LMAN1L: variants seen among roughly 807,000 people sequenced by gnomAD.
LMAN1L encodes the protein protein ERGIC-53-like.
In LMAN1L, 60 loss-of-function variants were observed where a neutral mutation model predicts 58.3. The ratio of observed to expected loss-of-function variants is 1.03; its 90% confidence interval spans 0.84 to 1.27. The LOEUF is 1.27. Among genes scored for constraint, LMAN1L ranks in the 50% most tolerant of loss-of-function variants. The pLI is 0.00. For missense variants in LMAN1L, 629 were observed against 674.0 expected (o/e 0.93, Z 0.74); for synonymous variants, 280 against 271.6 (o/e 1.03, Z -0.31).
Position 74,812,949 on chromosome 15 carries a change from G to A in LMAN1L, c.95G>A (p.Arg32Lys), listed in dbSNP as rs760313633. The change falls in exon 1 of 14, where the codon AGG becomes AAG. Residue 32 changes from arginine to lysine, a missense_variant. This residue lies in a region of LMAN1L where 573 missense variants were observed against 597.3 expected (regional missense o/e 0.96). Coordinates refer to ENST00000309664, the MANE Select transcript of LMAN1L (RefSeq NM_021819.3). The part of the protein sequence containing the change: ...SPETGCPPLR[R>K]FEYKLSFKGP... The stretch of plus-strand genomic sequence containing the variant: ...GAGACGGGGTGTCCTCCTCTACGCA[G>A]GTTTGAGTACAAGCTCAGCTTCAAA... 3 of 1,614,098 alleles carry A rather than the reference G, an allele frequency of 1.9e-6. No homozygotes were observed. Among genetic ancestry groups the A allele is most frequent in the South Asian group, 2.2e-5 (2 of 91,084 alleles).
Position 74,816,183 on chromosome 15 carries a change from C to G in LMAN1L, c.202C>G (p.Arg68Gly). The G allele has an allele frequency of 6.4e-7, 1 of 1,553,576 alleles. No homozygotes were observed. Among genetic ancestry groups the G allele is most frequent in the Non-Finnish European group, 8.7e-7 (1 of 1,149,204 alleles). Reference sequence around the variant, plus strand: ...CGCCATCCTGGGCCTGGAGGAAGTGCGGCTGACGCCATCCATGAGGAACCG... The same window carrying G: ...CGCCATCCTGGGCCTGGAGGAAGTGGGGCTGACGCCATCCATGAGGAACCG... ...GDAILGLEEV[R>G]LTPSMRNRSG... Residue 68 changes from arginine (R) to glycine (G), a missense_variant, in exon 2 of 14, where the codon CGG becomes GGG. Arg to Gly is a moderately radical substitution (Grantham distance 125). Transcript: ENST00000309664.
In LMAN1L at chr15:74,816,274, G is replaced by C; in HGVS notation, c.293G>C (p.Arg98Thr). 1.2e-6 allele frequency: 2 copies of C among 1,611,868 alleles called. No individual in the cohort carries two copies. Among genetic ancestry groups the C allele is most frequent in the Non-Finnish European group, 1.7e-6 (2 of 1,179,332 alleles). The change falls in exon 2 of 14, where the codon AGG (arginine) becomes ACG (threonine). Residue 98 changes from arginine to threonine, a missense_variant. This residue lies in a region of LMAN1L where 573 missense variants were observed against 597.3 expected (regional missense o/e 0.96). Transcript: ENST00000309664. ...GCCTGGGAAGTAGAGGTGCAGATGAGGGTGACGGGACTGGGGCGCCGGGGA... is the reference window on the plus strand; with the variant it reads ...GCCTGGGAAGTAGAGGTGCAGATGACGGTGACGGGACTGGGGCGCCGGGGA... ...FSAWEVEVQM[R>T]VTGLGRRGAQ...
At position 74,812,877 on chromosome 15, in the gene LMAN1L, G is replaced by A. The variant is rs753665063; in HGVS notation, c.23G>A (p.Gly8Asp). 1.1e-5 allele frequency: 17 copies of A among 1,610,108 alleles called. No homozygotes were observed. In the South Asian group the frequency reaches 1.8e-4, roughly 17 times the overall value. MPAVSGP[G>D]PLFCLLLLLL... is the part of the protein sequence containing the mutation. ...ACGATGCCGGCGGTCAGTGGTCCAG[G>A]TCCCTTATTCTGCCTTCTCCTCCTG... The change falls in exon 1 of 14, where the codon GGT (glycine) becomes GAT (aspartate). Residue 8 changes from glycine (G) to aspartate (D), a missense_variant. This residue lies in a region of LMAN1L where 573 missense variants were observed against 597.3 expected (regional missense o/e 0.96). Transcript: ENST00000309664.
intron 11 of LMAN1L, among the ~76,000 whole-genome samples, chr15:74,823,325 C>CG (rs1377151341): frequency 6.6e-6 from 1 of 152,024 alleles, no homozygotes; most frequent in Non-Finnish European, 1.5e-5. Flanking sequence ...AAGGCAGAGC[C>CG]GGGGAGCCTG....
chr15:74,821,367 G>C (rs1596379862), intron 9 of LMAN1L, 141 bp downstream of exon 9: 11 of 1,050,570 alleles, frequency 1.0e-5, no homozygotes, highest in Non-Finnish European at 1.4e-5. Flanking sequence ...GGATGGGGCA[G>C]GGCAGCATGC....
chr15:74,819,842 TG>T (rs1051855476), intron 6 of LMAN1L: 1 of 626,216 alleles, frequency 1.6e-6, no homozygotes, highest in Non-Finnish European at 2.9e-6. Flanking sequence ...TCTGACTGAG[TG>T]TGAGGTTCAA....
At chr15:74,820,894 T>C in intron 8 of LMAN1L, 127 bp downstream of exon 8, 1 of 1,379,984 alleles carries the variant, frequency 7.2e-7, no homozygotes, top group East Asian at 2.4e-5. Flanking sequence ...AAGCAGGCCC[T>C]GGGCCCAAGT....
At chr15:74,813,472 C>T in intron 1 of LMAN1L, 1 of 457,578 alleles carries the variant, frequency 2.2e-6, no homozygotes, top group Non-Finnish European at 4.4e-6. Flanking sequence ...GAAGCATCCT[C>T]ATCCCAGGTG....
At position 74,819,133 on chromosome 15, in the gene LMAN1L, C is replaced by T; in HGVS notation, c.598-19C>T. 4 of 1,592,102 alleles carry T rather than the reference C, an allele frequency of 2.5e-6. No homozygotes were observed. The highest frequency in any genetic ancestry group is 2.7e-5 in the African/African-American group (2 of 74,374). On this transcript the variant is annotated intron_variant, in intron 5 of 13. Transcript: ENST00000309664. ...GGTAGGGACACCCCCCCACTGCTCACTCTCTCCATGTCCCTCAGATGTCCT... is the reference window on the plus strand; with the variant it reads ...GGTAGGGACACCCCCCCACTGCTCATTCTCTCCATGTCCCTCAGATGTCCT...
rs202021967 is a variant in LMAN1L, at chr15:74,819,233, G to T, written c.679G>T (p.Gly227Cys). 3 of 1,614,202 alleles carry T rather than the reference G, an allele frequency of 1.9e-6. No individual in the cohort carries two copies. The highest frequency in any genetic ancestry group is 2.2e-5 in the East Asian group (1 of 44,890). ...GGGGCCCCTGCTTTTGGTCCCTGGA[G>T]GTTTCTTTGGGGTCTCAGCAGCCAC... ...DVGPLLLVPG[G>C]FFGVSAATGT... Residue 227 changes from glycine to cysteine, a missense_variant, in exon 6 of 14, where the codon GGT becomes TGT. By Grantham distance (159) the Gly-to-Cys change is radical. Transcript: ENST00000309664.
chr15:74,820,891 C>A (rs2063913529), intron 8 of LMAN1L, 124 bp downstream of exon 8: 1 of 1,398,484 alleles, frequency 7.2e-7, no homozygotes, highest in Non-Finnish European at 9.6e-7. Context: ...TCTAAGCAGG[C>A]CCTGGGCCCA....
intron 4 of LMAN1L, among the ~76,000 whole-genome samples, chr15:74,818,036 G>C (rs1008999791): frequency 2.7e-5 from 4 of 150,768 alleles, no homozygotes; most frequent in Non-Finnish European, 5.9e-5. Context: ...AAAAGAGAGA[G>C]AGAAGAAGGA....
At chr15:74,816,119 G>A (rs1325068666) in intron 1 of LMAN1L, 38 bp from the exon 2 acceptor site, 1 of 1,534,296 alleles carries the variant, frequency 6.5e-7, no homozygotes, top group Non-Finnish European at 8.8e-7. Context: ...GAGATGGGGT[G>A]TAGTGGAGCC....
chr15:74,812,926 G>A lies in LMAN1L; in HGVS notation c.72G>A (p.Glu24=), dbSNP rs1428591720. ...TGCTCCTGGACCCCCACAGCCCTGA[G>A]ACGGGGTGTCCTCCTCTACGCAGGT... ...LLLLLDPHSP[E]TGCPPLRRFE... The change falls in exon 1 of 14, where the codon GAG becomes GAA. Residue 24 remains glutamate, a synonymous_variant. Coordinates refer to ENST00000309664, the MANE Select transcript of LMAN1L (RefSeq NM_021819.3). 6.2e-7 allele frequency: 1 copy of A among 1,613,962 alleles called. No individual in the cohort carries two copies. Among genetic ancestry groups the A allele is most frequent in the Non-Finnish European group, 8.5e-7 (1 of 1,179,976 alleles).
At chr15:74,819,101 A>G in intron 5 of LMAN1L, 51 bp from the exon 6 acceptor site, 2 of 1,553,130 alleles carry the variant, frequency 1.3e-6, no homozygotes, top group Non-Finnish European at 1.7e-6. Context: ...GGAGCCAGGG[A>G]GTCAGAGGTA....
intron 5 of LMAN1L, 33 bp from the exon 6 acceptor site, chr15:74,819,119 C>A: frequency 1.3e-6 from 2 of 1,578,304 alleles, no homozygotes; most frequent in Non-Finnish European, 1.7e-6. Context: ...GTAGGGACAC[C>A]CCCCCACTGC....
rs1685977755 is a variant in LMAN1L at position 74,812,906 on chromosome 15, C to T, written c.52C>T (p.Leu18=). 2 of 1,613,592 alleles carry T rather than the reference C, an allele frequency of 1.2e-6. No homozygotes were observed. Among genetic ancestry groups the T allele is most frequent in the African/African-American group, 2.7e-5 (2 of 74,926 alleles). The change falls in exon 1 of 14, where the codon CTG becomes TTG. Residue 18 remains leucine (L), a synonymous_variant. Transcript: ENST00000309664. ...CTTATTCTGCCTTCTCCTCCTGCTC[C>T]TGGACCCCCACAGCCCTGAGACGGG... The part of the protein sequence containing the change: ...GPLFCLLLLL[L]DPHSPETGCP...
intron 1 of LMAN1L, among the ~76,000 whole-genome samples, chr15:74,814,753 C>T (rs908829135): frequency 6.6e-6 from 1 of 152,162 alleles, no homozygotes; most frequent in East Asian, 1.9e-4. Flanking sequence ...AGATGATCCG[C>T]CTGCCTCGGC....
chr15:74,815,873 A>G (rs1238257078), intron 1 of LMAN1L, among the ~76,000 whole-genome samples: 1 of 152,172 alleles, frequency 6.6e-6, no homozygotes, highest in African/African-American at 2.4e-5. Flanking sequence ...TATGAGCCTC[A>G]CCTTCCTCAT....
Sources: gnomAD v4.1 joint callset for allele counts (sites outside exome capture counted in the v4.1 genomes callset) on GRCh38, gnomAD v4.1.1 for gene constraint, gnomAD v4.1.1 regional missense constraint, MANE v1.5 for transcripts, NCBI Gene and HGNC (gene_info 2026-07-23, HGNC 2026-07-21) for gene names.